The following RTTN variants were observed in gnomAD, a reference collection of about 807,000 sequenced individuals.
RTTN encodes rotatin.
RTTN carries 182 observed loss-of-function variants against 269.2 expected under a neutral mutation model. That is an observed-to-expected ratio of 0.68 (90% confidence interval 0.60 to 0.76). The LOEUF is 0.76. Ranked by LOEUF, RTTN falls within the 30% of genes least tolerant of loss-of-function variation. The pLI is 0.00. For synonymous variants in RTTN, 1,006 were observed against 963.5 expected (o/e 1.04, Z -0.82); for missense variants, 2,545 against 2,608.6 (o/e 0.98, Z 0.53).
At chr18:70,060,333 G>A (rs1261437361) in intron 35 of RTTN, among the ~76,000 whole-genome samples, 2 of 152,068 alleles carry the variant, frequency 1.3e-5, no homozygotes, top group South Asian at 2.1e-4. Context: ...CATGCCCCAC[G>A]TATTCAGACA....
chr18:70,169,073 T>C lies in RTTN; in HGVS notation c.1477-6A>G. 1 of 1,565,320 alleles carries C rather than the reference T, an allele frequency of 6.4e-7. No individual in the cohort carries two copies. Among genetic ancestry groups the C allele is most frequent in the Non-Finnish European group, 8.6e-7 (1 of 1,163,728 alleles). ...TCTGATAAAAACTCGCTTGCCTTGG[T>C]GAATTAAAAAAACAAAAAAATTAAA... On this transcript the variant is annotated splice_region_variant and splice_polypyrimidine_tract_variant and intron_variant, in intron 11 of 48. Transcript: ENST00000640769.
At chr18:70,146,119 TC>T (rs2145760205) in intron 17 of RTTN, among the ~76,000 whole-genome samples, 1 of 152,244 alleles carries the variant, frequency 6.6e-6, no homozygotes, top group East Asian at 1.9e-4. Context: ...TGAACTATTC[TC>T]CACCATAAAA....
At chr18:70,142,866 A>G (rs1000313973) in intron 18 of RTTN, among the ~76,000 whole-genome samples, 3 of 152,140 alleles carry the variant, frequency 2.0e-5, no homozygotes, top group Non-Finnish European at 4.4e-5. Context: ...CTCTACTAAA[A>G]ATACAAAAAT....
intron 40 of RTTN, among the ~76,000 whole-genome samples, chr18:70,035,444 AAAAC>A (rs1342942827): frequency 6.6e-5 from 10 of 152,364 alleles, no homozygotes; most frequent in African/African-American, 2.2e-4. Context: ...AAACCTGACA[AAAAC>A]AAACAATGGG....
At chr18:70,106,593 T>G (rs1360403950) in intron 28 of RTTN, among the ~76,000 whole-genome samples, 1 of 152,150 alleles carries the variant, frequency 6.6e-6, no homozygotes, top group Non-Finnish European at 1.5e-5. Context: ...AGTGCATTTT[T>G]ATTTTGGAAA....
intron 34 of RTTN, 146 bp from the exon 35 acceptor site, chr18:70,066,068 G>A: frequency 2.2e-6 from 1 of 464,248 alleles, no homozygotes; most frequent in South Asian, 6.1e-5. Flanking sequence ...CCATATCTTG[G>A]GAGTTACAGC....
intron 32 of RTTN, among the ~76,000 whole-genome samples, chr18:70,081,194 G>C (rs1009954791): frequency 1.3e-5 from 2 of 152,120 alleles, no homozygotes; most frequent in Non-Finnish European, 2.9e-5. Flanking sequence ...GAAGGGGTGA[G>C]GGATAAAAGA....
chr18:70,043,053 C>T (rs551360454), intron 40 of RTTN, among the ~76,000 whole-genome samples: 1 of 152,190 alleles, frequency 6.6e-6, no homozygotes, highest in African/African-American at 2.4e-5. Context: ...AAGGAATTCC[C>T]AGAAACTGGT....
chr18:70,152,238 C>G (rs2060557739), intron 14 of RTTN, among the ~76,000 whole-genome samples: 1 of 151,940 alleles, frequency 6.6e-6, no homozygotes, highest in Non-Finnish European at 1.5e-5. Context: ...AATTTTATAC[C>G]TAATCTGGGC....
rs1173280936 is a variant in RTTN at position 70,048,042 on chromosome 18, C to G, written c.5470G>C (p.Val1824Leu). 6.2e-7 allele frequency: 1 copy of G among 1,614,066 alleles called. No individual in the cohort carries two copies. The highest frequency in any genetic ancestry group is 2.2e-5 in the East Asian group (1 of 44,882). The change falls in exon 40 of 49, where the codon GTG (valine) becomes CTG (leucine). Residue 1824 changes from valine (V) to leucine (L), a missense_variant. Val to Leu is a conservative substitution (Grantham distance 32, BLOSUM62 1). Coordinates refer to ENST00000640769, the MANE Select transcript of RTTN (RefSeq NM_173630.4). ...TGAGAGTCATCAAGAAGTGAAGCCA[C>G]TGTTGGACTACAGCATAAATGTGTT... ...SKTHLCCSPT[V>L]ASLLDDSQEN...
chr18:70,012,291 T>A (rs2056404165), intron 46 of RTTN, among the ~76,000 whole-genome samples: 2 of 150,338 alleles, frequency 1.3e-5, no homozygotes, highest in African/African-American at 4.9e-5. Flanking sequence ...CTCACTGGTA[T>A]TAGTTACAGG....
chr18:70,105,148 A>G (rs1446508525), intron 28 of RTTN, among the ~76,000 whole-genome samples: 2 of 152,194 alleles, frequency 1.3e-5, no homozygotes, highest in Non-Finnish European at 2.9e-5. Context: ...GGTTCCACCC[A>G]GTTCGAGCTT....
At chr18:70,203,984 G>C (rs1166134831) in intron 3 of RTTN, 102 bp downstream of exon 3, 1 of 865,576 alleles carries the variant, frequency 1.2e-6, no homozygotes, top group African/African-American at 1.7e-5. Context: ...ATAAGTTTGG[G>C]GGAGGTGGGA....
At chr18:70,190,787 G>T in intron 8 of RTTN, 68 bp from the exon 9 acceptor site, 1 of 1,088,948 alleles carries the variant, frequency 9.2e-7, no homozygotes. Flanking sequence ...CTGCATATCT[G>T]CTGCCTCGCA....
At position 70,013,599 on chromosome 18, in the gene RTTN, C is replaced by T. The variant is rs764110211; in HGVS notation, c.6421+3808G>A. 2.9e-4 allele frequency among the ~76,000 whole-genome samples: 44 copies of T among 152,106 alleles called. 1 individual carries two copies. The highest frequency in any genetic ancestry group is 3.3e-4 in the Admixed American group (5 of 15,284). On this transcript the variant is annotated intron_variant, in intron 46 of 48. Transcript: ENST00000640769. ...ATTTAAATAACCTAAAGTGAATATA[C>T]AGTAGTAAAATGTAAATAATGAGAC...
In RTTN at chr18:70,005,187, T is replaced by C. The variant is rs1336641919; in HGVS notation, c.6595+11A>G. 3 of 1,593,838 alleles carry C rather than the reference T, an allele frequency of 1.9e-6. No individual in the cohort carries two copies. Among genetic ancestry groups the C allele is most frequent in the South Asian group, 1.1e-5 (1 of 88,528 alleles). The stretch of plus-strand genomic sequence containing the variant: ...GAGTTTAACTATAATCTCTTTCTTA[T>C]TGCAACTTACTTTTCTTTGCTAAGG... On this transcript the variant is annotated intron_variant, in intron 48 of 48. Coordinates refer to ENST00000640769, the MANE Select transcript of RTTN (RefSeq NM_173630.4).
chr18:70,052,485 C>T (rs953009936), intron 38 of RTTN, among the ~76,000 whole-genome samples: 2 of 151,970 alleles, frequency 1.3e-5, no homozygotes, highest in Non-Finnish European at 1.5e-5. Flanking sequence ...CATAAAAAGG[C>T]TAAGTATAGA....
At chr18:70,178,115 G>C (rs2061345136) in intron 10 of RTTN, among the ~76,000 whole-genome samples, 1 of 152,168 alleles carries the variant, frequency 6.6e-6, no homozygotes, top group African/African-American at 2.4e-5. Flanking sequence ...GGACGCGATG[G>C]CTCACGCCTG....
rs150521764 is a variant in RTTN, at chr18:70,047,071, A to C, written c.5541+900T>G. Among the ~76,000 whole-genome samples the C allele has an allele frequency of 9.5e-3, 1,447 of 152,340 alleles. 7 individuals are homozygous for C. The highest frequency in any genetic ancestry group is 0.015 in the Non-Finnish European group (1,012 of 68,018). ...GGTAAAAATCTCCAAATTCTAAGCAACAAAGGGACTATAACAAATCAGCAC... is the reference window on the plus strand; with the variant it reads ...GGTAAAAATCTCCAAATTCTAAGCACCAAAGGGACTATAACAAATCAGCAC... On this transcript the variant is annotated intron_variant, in intron 40 of 48. Coordinates refer to ENST00000640769, the MANE Select transcript of RTTN (RefSeq NM_173630.4).
Sources: gnomAD v4.1 joint callset for allele counts (sites outside exome capture counted in the v4.1 genomes callset) on GRCh38, gnomAD v4.1.1 for gene constraint, MANE v1.5 for transcripts, NCBI Gene and HGNC (gene_info 2026-07-23, HGNC 2026-07-21) for gene names.